Variants in KCNH1 observed in about 807,000 individuals in gnomAD.
KCNH1 encodes the protein voltage-gated delayed rectifier potassium channel KCNH1.
Under a neutral mutation model 69.2 loss-of-function variants are expected in KCNH1, and 27 were observed. That is an observed-to-expected ratio of 0.39 (90% CI 0.29 to 0.54). KCNH1 has a LOEUF of 0.54. Among genes scored for constraint, KCNH1 ranks in the 20% least tolerant of loss-of-function variants. The pLI, the probability that KCNH1 is intolerant of heterozygous loss-of-function variation, is 0.68. For synonymous variants in KCNH1, 456 were observed against 487.7 expected, an observed-to-expected ratio of 0.93 and a Z score of 0.86; for missense variants, 798 against 1,261.6, an observed-to-expected ratio of 0.63 and a Z score of 5.57.
In KCNH1 at chr1:210,735,818, CACAGAG is replaced by C. The variant is rs1257581132; in HGVS notation, c.2112+39524_2112+39529del. ...ACACAGACACACACACACACACACA[CACAGAG>C]AGAGAGAGAGAGAGAGAGCGCACAA... On this transcript the variant is annotated intron_variant, in intron 10 of 10. Coordinates refer to ENST00000271751, the MANE Select transcript of KCNH1 (RefSeq NM_172362.3). 8.8e-3 allele frequency among the ~76,000 whole-genome samples: 1,322 copies of C among 149,884 alleles called. 14 individuals carry two copies. Among genetic ancestry groups the C allele is most frequent in the African/African-American group, 0.028 (1,142 of 40,728 alleles).
chr1:210,859,097 G>T, intron 7 of KCNH1: 1 of 868,116 alleles, frequency 1.2e-6, no homozygotes, highest in South Asian at 1.4e-5. Context: ...TAGATAACAT[G>T]AACCAGTTCT....
At position 211,133,897 on chromosome 1, in the gene KCNH1, A is replaced by T; in HGVS notation, c.49T>A (p.Phe17Ile). ...GACCGCCGAACAATATTCTCCAGAAACGTGTTTTGAGGGGCCACTAGTCCC... is the reference window on the plus strand; with the variant it reads ...GACCGCCGAACAATATTCTCCAGAATCGTGTTTTGAGGGGCCACTAGTCCC... ...RRGLVAPQNT[F>I]LENIVRRSND... Residue 17 changes from phenylalanine (F) to isoleucine (I), a missense_variant, in exon 1 of 11, where the codon TTT (phenylalanine) becomes ATT (isoleucine). Coordinates refer to ENST00000271751, the MANE Select transcript of KCNH1 (RefSeq NM_172362.3). The surrounding 1 kb of genome is among the most constrained non-coding windows in gnomAD (Gnocchi z 5.4). 1 of 1,611,750 alleles carries T rather than the reference A, an allele frequency of 6.2e-7. No homozygotes were observed. Among genetic ancestry groups the T allele is most frequent in the Non-Finnish European group, 8.5e-7 (1 of 1,179,108 alleles).
chr1:211,031,162 C>T (rs966448813), intron 5 of KCNH1, among the ~76,000 whole-genome samples: 4 of 152,008 alleles, frequency 2.6e-5, no homozygotes, highest in African/African-American at 7.2e-5. Flanking sequence ...ATAAATTCCT[C>T]GACACATACA....
At chr1:210,843,799 T>C (rs1264414379) in intron 7 of KCNH1, among the ~76,000 whole-genome samples, 1 of 152,198 alleles carries the variant, frequency 6.6e-6, no homozygotes, top group Non-Finnish European at 1.5e-5. Flanking sequence ...ATCTAGTTCA[T>C]CTACTCTTAG....
At chr1:210,873,738 A>G (rs897421395) in intron 7 of KCNH1, among the ~76,000 whole-genome samples, 2 of 152,366 alleles carry the variant, frequency 1.3e-5, no homozygotes, top group South Asian at 2.1e-4. Flanking sequence ...TATGTGAATC[A>G]AGAGAAATTA....
At chr1:210,988,400 T>C (rs1425608448) in intron 6 of KCNH1, among the ~76,000 whole-genome samples, 1 of 152,228 alleles carries the variant, frequency 6.6e-6, no homozygotes, top group Non-Finnish European at 1.5e-5. Context: ...AGACTGGAGC[T>C]GTTCCTATTC....
At chr1:210,822,111 A>G (rs544099609) in intron 7 of KCNH1, among the ~76,000 whole-genome samples, 82 of 152,124 alleles carry the variant, frequency 5.4e-4, no homozygotes, top group Non-Finnish European at 9.4e-4. Flanking sequence ...ATGAATAGAC[A>G]AAGAGATGTG....
chr1:210,784,285 G>A (rs1684049988), intron 9 of KCNH1, among the ~76,000 whole-genome samples: 1 of 152,164 alleles, frequency 6.6e-6, no homozygotes, highest in African/African-American at 2.4e-5. Context: ...CTGTAGTAAA[G>A]GTACAAAGCT....
intron 5 of KCNH1, among the ~76,000 whole-genome samples, chr1:211,054,574 G>A (rs543188685): frequency 1.3e-4 from 19 of 151,992 alleles, no homozygotes; most frequent in Middle Eastern, 3.4e-3. Context: ...GAAAAATAAC[G>A]GCCAATAAGG....
chr1:210,972,310 C>T (rs746362597), intron 6 of KCNH1, among the ~76,000 whole-genome samples: 13 of 152,212 alleles, frequency 8.5e-5, no homozygotes, highest in African/African-American at 2.6e-4. Context: ...CTAAGACTTG[C>T]AGACTAGATT....
At chr1:210,884,557 C>T (rs1167689957) in intron 7 of KCNH1, among the ~76,000 whole-genome samples, 1 of 152,172 alleles carries the variant, frequency 6.6e-6, no homozygotes, top group Non-Finnish European at 1.5e-5. Context: ...GACTTCAGAT[C>T]CTAGAATGAT....
intron 6 of KCNH1, among the ~76,000 whole-genome samples, chr1:210,997,211 T>C (rs1005133040): frequency 1.6e-4 from 25 of 152,058 alleles, no homozygotes; most frequent in African/African-American, 6.0e-4. Flanking sequence ...ATCAAACTAC[T>C]CCGAGCTACA....
At chr1:211,067,316 T>A (rs376063450) in intron 5 of KCNH1, among the ~76,000 whole-genome samples, 1 of 152,230 alleles carries the variant, frequency 6.6e-6, no homozygotes, top group South Asian at 2.1e-4. Context: ...TGCAATTAGC[T>A]GACAGCCTCC....
At chr1:211,104,998 T>A (rs571155245) in intron 2 of KCNH1, among the ~76,000 whole-genome samples, 1 of 152,302 alleles carries the variant, frequency 6.6e-6, no homozygotes, top group African/African-American at 2.4e-5. Context: ...CAAATTCTGG[T>A]ACCCAATAAG....
chr1:210,795,390 A>G (rs989499726), intron 9 of KCNH1, among the ~76,000 whole-genome samples: 1 of 151,994 alleles, frequency 6.6e-6, no homozygotes, highest in Non-Finnish European at 1.5e-5. Flanking sequence ...CAAGAGATCC[A>G]CCCGTCTCAG....
intron 7 of KCNH1, among the ~76,000 whole-genome samples, chr1:210,887,404 A>G (rs931896301): frequency 1.3e-5 from 2 of 152,216 alleles, no homozygotes; most frequent in Non-Finnish European, 2.9e-5. Flanking sequence ...AGCACTAAAT[A>G]TGGAAAGGAA....
intron 9 of KCNH1, among the ~76,000 whole-genome samples, chr1:210,797,109 C>CTT (rs1491067346): frequency 2.9e-5 from 3 of 104,644 alleles, no homozygotes; most frequent in African/African-American, 1.2e-4. Context: ...GCTATCCCCT[C>CTT]TTTTTAGGAT....
intron 5 of KCNH1, among the ~76,000 whole-genome samples, chr1:211,019,898 G>T (rs4951705): frequency 0.07 from 10,701 of 152,222 alleles, 530 homozygotes; most frequent in South Asian, 0.18. Flanking sequence ...GCTTGTGAAT[G>T]ACCAGTGGGT....
At chr1:210,916,344 A>C (rs1406085064) in intron 7 of KCNH1, among the ~76,000 whole-genome samples, 1 of 152,214 alleles carries the variant, frequency 6.6e-6, no homozygotes, top group Non-Finnish European at 1.5e-5. Flanking sequence ...TGGAAAGTGG[A>C]ACAGCTGAAA....
Sources: allele counts gnomAD v4.1 joint callset (sites outside exome capture counted in the v4.1 genomes callset), GRCh38; gene constraint gnomAD v4.1.1; non-coding constraint Gnocchi (gnomAD v3.1); transcripts MANE v1.5; gene names NCBI Gene and HGNC (gene_info 2026-07-23, HGNC 2026-07-21).